Variants in PRKN observed in about 807,000 individuals in gnomAD.
The protein encoded by PRKN is parkin RBR E3 ubiquitin protein ligase.
Under a neutral mutation model 59.5 loss-of-function variants are expected in PRKN, and 56 were observed. That is an observed-to-expected ratio of 0.94 (90% CI 0.76 to 1.18). The LOEUF is 1.18. Ranked by LOEUF, PRKN falls within the 50% of genes most tolerant of loss-of-function variation. The probability of loss-of-function intolerance (pLI) is 0.00; values close to 1 mark genes in which losing one functional copy is unlikely to be tolerated. For missense variants in PRKN, 657 were observed against 596.4 expected (o/e 1.10, Z -1.06); for synonymous variants, 250 against 222.1 (o/e 1.13, Z -1.12).
chr6:162,293,440 G>A (rs545907791), intron 2 of PRKN, among the ~76,000 whole-genome samples: 1 of 152,212 alleles, frequency 6.6e-6, no homozygotes, highest in South Asian at 2.1e-4. Context: ...CATTCATGGA[G>A]GAGGTGGAAA....
chr6:161,624,588 C>T (rs1783020602), intron 7 of PRKN, among the ~76,000 whole-genome samples: 1 of 152,214 alleles, frequency 6.6e-6, no homozygotes, highest in African/African-American at 2.4e-5. Flanking sequence ...AATAAATCTA[C>T]AGCTCTTATG....
intron 4 of PRKN, among the ~76,000 whole-genome samples, chr6:162,088,049 A>G (rs1301046201): frequency 1.3e-5 from 2 of 152,208 alleles, no homozygotes; most frequent in Non-Finnish European, 2.9e-5. Flanking sequence ...CAAGGGATGC[A>G]ATCCAGTACA....
intron 1 of PRKN, among the ~76,000 whole-genome samples, chr6:162,555,433 C>G (rs1779521084): frequency 6.6e-6 from 1 of 152,070 alleles, no homozygotes; most frequent in Non-Finnish European, 1.5e-5. Flanking sequence ...GCAAATTACA[C>G]TAATCCATTG....
intron 2 of PRKN, among the ~76,000 whole-genome samples, chr6:162,364,952 C>A: frequency 6.7e-6 from 1 of 149,688 alleles, no homozygotes; most frequent in African/African-American, 2.5e-5. Flanking sequence ...GAATAGAAAT[C>A]TCTCTTCTCC....
intron 7 of PRKN, among the ~76,000 whole-genome samples, chr6:161,614,595 G>T (rs564539973): frequency 6.6e-6 from 1 of 152,192 alleles, no homozygotes; most frequent in East Asian, 1.9e-4. Flanking sequence ...TGGTATAGTA[G>T]GTGTCTAAGA....
chr6:162,531,731 C>G (rs1778523647), intron 1 of PRKN, among the ~76,000 whole-genome samples: 1 of 152,100 alleles, frequency 6.6e-6, no homozygotes, highest in African/African-American at 2.4e-5. Context: ...AATTTCTAAT[C>G]TTGTCGCTAA....
chr6:162,179,754 C>T (rs1002192309), intron 4 of PRKN, among the ~76,000 whole-genome samples: 1 of 152,140 alleles, frequency 6.6e-6, no homozygotes, highest in Non-Finnish European at 1.5e-5. Flanking sequence ...AGAGTTGCCA[C>T]TGGCTCAATT....
At chr6:161,605,654 G>C (rs568400837) in intron 7 of PRKN, among the ~76,000 whole-genome samples, 1 of 152,106 alleles carries the variant, frequency 6.6e-6, no homozygotes, top group Admixed American at 6.6e-5. Flanking sequence ...TGGGATTACA[G>C]ACACGTGCCA....
At chr6:162,340,554 C>T (rs1784130370) in intron 2 of PRKN, among the ~76,000 whole-genome samples, 1 of 152,104 alleles carries the variant, frequency 6.6e-6, no homozygotes, top group East Asian at 1.9e-4. Context: ...GGTGTCAAAA[C>T]AGCATGGAAC....
chr6:162,299,675 A>G (rs1285493304), intron 2 of PRKN, among the ~76,000 whole-genome samples: 1 of 151,500 alleles, frequency 6.6e-6, no homozygotes, highest in Non-Finnish European at 1.5e-5. Flanking sequence ...ATATATACAT[A>G]TATTTATTCC....
intron 6 of PRKN, among the ~76,000 whole-genome samples, chr6:161,902,560 A>ATTTT (rs752868786): frequency 8.0e-5 from 10 of 125,330 alleles, no homozygotes; most frequent in East Asian, 4.9e-4. Context: ...TTATTTATTT[A>ATTTT]TTTATTTTTT....
intron 6 of PRKN, among the ~76,000 whole-genome samples, chr6:161,880,672 A>G (rs946418808): frequency 6.6e-6 from 1 of 152,132 alleles, no homozygotes; most frequent in Non-Finnish European, 1.5e-5. Context: ...TTTTCCTACA[A>G]GGAGGCCCAC....
At chr6:161,978,613 TAA>T (rs531212974) in intron 5 of PRKN, among the ~76,000 whole-genome samples, 1 of 152,156 alleles carries the variant, frequency 6.6e-6, no homozygotes, top group Non-Finnish European at 1.5e-5. Flanking sequence ...TTTAAAAAAT[TAA>T]AAAAGTCAAA....
At chr6:162,338,785 G>A (rs1426065923) in intron 2 of PRKN, among the ~76,000 whole-genome samples, 3 of 150,728 alleles carry the variant, frequency 2.0e-5, no homozygotes, top group African/African-American at 7.3e-5. Context: ...CCGCCCGGCC[G>A]CCATCCCATC....
intron 5 of PRKN, among the ~76,000 whole-genome samples, chr6:161,983,909 A>T (rs1310551467): frequency 6.6e-6 from 1 of 151,362 alleles, no homozygotes; most frequent in African/African-American, 2.4e-5. Flanking sequence ...AGTATAATAA[A>T]AAAAAAAAAA....
At chr6:161,645,158 C>T (rs1031254396) in intron 7 of PRKN, among the ~76,000 whole-genome samples, 4 of 151,718 alleles carry the variant, frequency 2.6e-5, no homozygotes, top group Admixed American at 2.6e-4. Flanking sequence ...ACTCTACTTC[C>T]TACTATAATT....
intron 6 of PRKN, among the ~76,000 whole-genome samples, chr6:161,918,842 G>A (rs1024139143): frequency 3.9e-5 from 6 of 152,236 alleles, no homozygotes; most frequent in African/African-American, 1.2e-4. Flanking sequence ...ATTAGAGAAC[G>A]TCTATAATGA....
intron 9 of PRKN, among the ~76,000 whole-genome samples, chr6:161,426,061 A>AG (rs1289780638): frequency 4.6e-5 from 7 of 152,062 alleles, no homozygotes; most frequent in Admixed American, 4.6e-4. Context: ...CAAGTGGTTA[A>AG]GGGGGTGCCT....
In PRKN at chr6:161,743,582, C is replaced by T. The variant is rs149670074; in HGVS notation, c.871+42190G>A. On this transcript the variant is annotated intron_variant, in intron 7 of 11. Transcript: ENST00000366898. ...TATCTTATCTCACAATGATCACCAC[C>T]CTCCAACCCAACATATAATTCACGT... Among the ~76,000 whole-genome samples the T allele has an allele frequency of 9.9e-3, 1,500 of 151,868 alleles. 15 individuals carry two copies. Among genetic ancestry groups the T allele is most frequent in the Middle Eastern group, 0.024 (7 of 294 alleles).
Sources: gnomAD v4.1 joint callset for allele counts (sites outside exome capture counted in the v4.1 genomes callset) on GRCh38, gnomAD v4.1.1 for gene constraint, MANE v1.5 for transcripts, NCBI Gene and HGNC (gene_info 2026-07-23, HGNC 2026-07-21) for gene names.